AK5: variants seen among roughly 807,000 people sequenced by gnomAD.
The protein encoded by AK5 is adenylate kinase isoenzyme 5.
Under a neutral mutation model 69.5 loss-of-function variants are expected in AK5, and 27 were observed. The observed-to-expected ratio is 0.39, with a 90% CI of 0.29 to 0.54. AK5 has a LOEUF of 0.54. AK5 is among the 20% of genes least tolerant of loss of function. The pLI is 0.71. For synonymous variants in AK5, 260 were observed against 244.4 expected (o/e 1.06, Z -0.60); for missense variants, 531 against 700.4 (o/e 0.76, Z 2.73).
chr1:77,400,802 A>C (rs1326903920), intron 6 of AK5, among the ~76,000 whole-genome samples: 1 of 152,056 alleles, frequency 6.6e-6, no homozygotes, highest in Non-Finnish European at 1.5e-5. Context: ...TTCTGTACAG[A>C]AGGCTTAGAA....
chr1:77,368,015 C>T (rs1647031360), intron 6 of AK5, among the ~76,000 whole-genome samples: 1 of 120,200 alleles, frequency 8.3e-6, no homozygotes, highest in South Asian at 2.4e-4. Context: ...CACAGGTAGA[C>T]CGTTGACTTT....
At chr1:77,423,709 T>C (rs1397724687) in intron 8 of AK5, among the ~76,000 whole-genome samples, 1 of 151,890 alleles carries the variant, frequency 6.6e-6, no homozygotes, top group Non-Finnish European at 1.5e-5. Context: ...GAGTTAAAAA[T>C]CCCAGAGAGA....
intron 5 of AK5, among the ~76,000 whole-genome samples, chr1:77,322,267 C>CT (rs924795693): frequency 4.6e-5 from 7 of 150,786 alleles, no homozygotes; most frequent in South Asian, 2.1e-4. Context: ...GTCCTTGGTT[C>CT]TTTTTTTCTT....
At chr1:77,353,993 G>T (rs1047128160) in intron 6 of AK5, among the ~76,000 whole-genome samples, 1 of 152,122 alleles carries the variant, frequency 6.6e-6, no homozygotes, top group East Asian at 1.9e-4. Context: ...TGATAACTCT[G>T]GTGGGACTGG....
At position 77,390,161 on chromosome 1, in the gene AK5, C is replaced by A. The variant is rs115834634; in HGVS notation, c.892-20820C>A. 3.1e-3 allele frequency among the ~76,000 whole-genome samples: 473 copies of A among 152,206 alleles called. 3 individuals are homozygous for A. Among genetic ancestry groups the A allele is most frequent in the African/African-American group, 0.011 (452 of 41,514 alleles). On this transcript the variant is annotated intron_variant, in intron 6 of 13. Coordinates refer to ENST00000354567, the MANE Select transcript of AK5 (RefSeq NM_174858.3). ...AATTAGCCATTCAGTAAGAGACCTGCAGAATATTAAGAAATTCATTCTGTT... is the reference window on the plus strand; with the variant it reads ...AATTAGCCATTCAGTAAGAGACCTGAAGAATATTAAGAAATTCATTCTGTT...
intron 12 of AK5, among the ~76,000 whole-genome samples, chr1:77,526,556 A>T (rs1478222186): frequency 6.9e-6 from 1 of 145,894 alleles, no homozygotes; most frequent in African/African-American, 2.6e-5. Flanking sequence ...GCTCACTGCA[A>T]GCTCTGCCTC....
intron 10 of AK5, among the ~76,000 whole-genome samples, chr1:77,493,532 T>C (rs979549030): frequency 6.6e-6 from 1 of 152,152 alleles, no homozygotes; most frequent in African/African-American, 2.4e-5. Context: ...TCGCTTCTGT[T>C]TCTCTGGAGA....
At chr1:77,367,580 A>ATATATATGT (rs1646984840) in intron 6 of AK5, among the ~76,000 whole-genome samples, 1 of 2,318 alleles carries the variant, frequency 4.3e-4, no homozygotes, top group Non-Finnish European at 1.2e-3. Flanking sequence ...TATATATATA[A>ATATATATGT]TATATATGTT....
intron 6 of AK5, among the ~76,000 whole-genome samples, chr1:77,367,554 T>TATATATATATATATA (rs59508312): frequency 0.1 from 2,988 of 28,556 alleles, 496 homozygotes; most frequent in Middle Eastern, 0.28. Context: ...ATTTATGTTA[T>TATATATATATATATA]TTTTATATAT....
At chr1:77,387,096 A>C (rs758583843) in intron 6 of AK5, among the ~76,000 whole-genome samples, 2 of 152,120 alleles carry the variant, frequency 1.3e-5, no homozygotes, top group African/African-American at 4.8e-5. Context: ...TCATCTGTTC[A>C]TGGATGCACA....
chr1:77,482,460 G>A (rs79269277), intron 8 of AK5, among the ~76,000 whole-genome samples: 1,549 of 152,206 alleles, frequency 0.01, 35 homozygotes, highest in East Asian at 0.079. Context: ...TCGGGGATTG[G>A]CAAATTATGG....
intron 6 of AK5, among the ~76,000 whole-genome samples, chr1:77,359,774 C>T (rs1244593471): frequency 6.6e-6 from 1 of 152,174 alleles, no homozygotes; most frequent in Non-Finnish European, 1.5e-5. Flanking sequence ...CTTTACTTCA[C>T]ATTATTTATT....
At chr1:77,488,836 T>C (rs1294436752) in intron 10 of AK5, among the ~76,000 whole-genome samples, 1 of 152,168 alleles carries the variant, frequency 6.6e-6, no homozygotes, top group Non-Finnish European at 1.5e-5. Context: ...CAAATGTTAA[T>C]CCCTTTTGGC....
chr1:77,515,732 G>C (rs1045184258), intron 10 of AK5, among the ~76,000 whole-genome samples: 4 of 152,182 alleles, frequency 2.6e-5, no homozygotes, highest in Non-Finnish European at 4.4e-5. Flanking sequence ...CCTAAGGGCT[G>C]AGGACGACCT....
intron 6 of AK5, among the ~76,000 whole-genome samples, chr1:77,364,152 A>G (rs754376451): frequency 6.6e-6 from 1 of 152,226 alleles, no homozygotes; most frequent in African/African-American, 2.4e-5. Flanking sequence ...GTTAATGGAC[A>G]TTAAGAATTA....
Position 77,548,675 on chromosome 1 carries a change from A to G in AK5, c.1621-9927A>G, listed in dbSNP as rs144021348. Among the ~76,000 whole-genome samples, 91 of 152,330 alleles carry G rather than the reference A, an allele frequency of 6.0e-4. 2 individuals are homozygous for G. The highest frequency in any genetic ancestry group is 2.1e-3 in the African/African-American group (89 of 41,584). ...GGAAAAACACAACTAGACATAGGCA[A>G]TGTTTGGACCAGCCAACTGTTTTAT... On this transcript the variant is annotated intron_variant, in intron 13 of 13. Coordinates refer to ENST00000354567, the MANE Select transcript of AK5 (RefSeq NM_174858.3).
At position 77,358,018 on chromosome 1, in the gene AK5, T is replaced by TGTGTGTGTGTGTGTGAGAGA. The variant is rs762714026; in HGVS notation, c.891+17451_891+17452insTGTGTGTGTGTGTGAGAGAG. Among the ~76,000 whole-genome samples the TGTGTGTGTGTGTGTGAGAGA allele has an allele frequency of 4.0e-3, 513 of 128,262 alleles. 3 individuals carry two copies. Among genetic ancestry groups the TGTGTGTGTGTGTGTGAGAGA allele is most frequent in the East Asian group, 7.7e-3 (31 of 4,020 alleles). The allele number at this position is 128,262 out of a possible 152,430, so 84.1% of individuals were successfully genotyped here. A position where few individuals can be genotyped will look rare whatever the true frequency, so the allele number is the denominator to read the frequency against. On this transcript the variant is annotated intron_variant, in intron 6 of 13. Coordinates refer to ENST00000354567, the MANE Select transcript of AK5 (RefSeq NM_174858.3). Reference sequence around the variant, plus strand: ...GTGTGTGTGTGTGTGTGTGTGTGTGTGAGAGAGAGAGAGAGAGAGAGACAG... The same window carrying TGTGTGTGTGTGTGTGAGAGA: ...GTGTGTGTGTGTGTGTGTGTGTGTGTGTGTGTGTGTGTGTGAGAGAGAGAGAGAGAGAGAGAGAGAGACAG...
intron 8 of AK5, among the ~76,000 whole-genome samples, chr1:77,420,712 C>T (rs1650751465): frequency 6.6e-6 from 1 of 152,218 alleles, no homozygotes; most frequent in Non-Finnish European, 1.5e-5. Context: ...TCTCCACTTT[C>T]CCCACTCCAA....
At chr1:77,426,015 A>T (rs1054799943) in intron 8 of AK5, among the ~76,000 whole-genome samples, 9 of 152,334 alleles carry the variant, frequency 5.9e-5, no homozygotes, top group African/African-American at 1.9e-4. Context: ...AAAGACTCAT[A>T]ATGCTCAAAT....
Sources: allele counts gnomAD v4.1 joint callset (sites outside exome capture counted in the v4.1 genomes callset), GRCh38; gene constraint gnomAD v4.1.1; transcripts MANE v1.5; gene names NCBI Gene and HGNC (gene_info 2026-07-23, HGNC 2026-07-21).